SVOP: variants seen among roughly 807,000 people sequenced by gnomAD.
SVOP encodes SV2 related protein.
In SVOP, 17 loss-of-function variants were observed where a neutral mutation model predicts 69.1. The ratio of observed to expected loss-of-function variants is 0.25; its 90% CI spans 0.17 to 0.37. SVOP has a LOEUF of 0.37. Ranked by LOEUF, SVOP falls within the 10% of genes least tolerant of loss-of-function variation. The probability of loss-of-function intolerance (pLI) is 1.00; values close to 1 mark genes in which losing one functional copy is unlikely to be tolerated. For missense variants in SVOP, 435 were observed against 597.5 expected (o/e 0.73, Z 2.84); for synonymous variants, 238 against 238.6 (o/e 1.00, Z 0.02).
rs1045580326 is a variant in SVOP at position 108,912,835 on chromosome 12, G to A, written c.1441-94C>T. 5.6e-5 allele frequency: 70 copies of A among 1,250,998 alleles called. No individual in the cohort carries two copies. The Admixed American group carries it at 1.1e-3, about 20-fold the overall frequency. The allele number at this position is 1,250,998 out of a possible 1,614,324, so 77.5% of individuals were successfully genotyped here. A position where few individuals can be genotyped will look rare whatever the true frequency, so the allele number is the denominator to read the frequency against. On this transcript the variant is annotated intron_variant, in intron 15 of 15. Coordinates refer to ENST00000610966, the MANE Select transcript of SVOP (RefSeq NM_018711.5). ...AGTATTAGTAACATCAGGCCCTCTC[G>A]TGATATCTGCTTGCTAAAAAGGATC...
chr12:108,970,446 A>G (rs1342538479), intron 5 of SVOP, among the ~76,000 whole-genome samples: 1 of 152,224 alleles, frequency 6.6e-6, no homozygotes, highest in African/African-American at 2.4e-5. Context: ...CATGCCTGCT[A>G]TACAACGCGC....
At chr12:108,973,653 C>A (rs1241649418) in intron 4 of SVOP, among the ~76,000 whole-genome samples, 2 of 152,170 alleles carry the variant, frequency 1.3e-5, no homozygotes, top group African/African-American at 4.8e-5. Context: ...TCCACATCAG[C>A]CTCCCACAGT....
chr12:108,915,653 G>A (rs772236175), intron 15 of SVOP, 130 bp downstream of exon 15: 5 of 886,486 alleles, frequency 5.6e-6, no homozygotes, highest in African/African-American at 5.2e-5. Context: ...TTCTGTCCTC[G>A]GGTGTGTTGT....
At chr12:108,934,413 G>A in intron 10 of SVOP, 142 bp from the exon 11 acceptor site, 1 of 632,586 alleles carries the variant, frequency 1.6e-6, no homozygotes, top group East Asian at 2.8e-5. Context: ...CTTTACTGGG[G>A]ACCTTGAGCA....
At position 108,936,199 on chromosome 12, in the gene SVOP, C is replaced by T. The variant is rs1046094195; in HGVS notation, c.971+1065G>A. On this transcript the variant is annotated intron_variant, in intron 10 of 15. Transcript: ENST00000610966. ...TAGCTGGGACTACAGGTGCCCACCACCATGCCTGGCTAATTTTTGTATTTT... is the reference window on the plus strand; with the variant it reads ...TAGCTGGGACTACAGGTGCCCACCATCATGCCTGGCTAATTTTTGTATTTT... 4.6e-5 allele frequency among the ~76,000 whole-genome samples: 7 copies of T among 152,202 alleles called. No homozygotes were observed. In the East Asian group the frequency reaches 1.4e-3, roughly 29 times the overall value.
intron 5 of SVOP, among the ~76,000 whole-genome samples, chr12:108,972,097 A>G (rs1294692816): frequency 6.6e-6 from 1 of 150,994 alleles, no homozygotes; most frequent in Admixed American, 6.7e-5. Context: ...TTAGGGCAAG[A>G]GAATCAATGG....
chr12:108,985,403 C>T (rs903616079), intron 1 of SVOP, among the ~76,000 whole-genome samples: 1 of 151,976 alleles, frequency 6.6e-6, no homozygotes, highest in East Asian at 1.9e-4. Context: ...TGGGCATGGT[C>T]ACTCACGCCT....
intron 6 of SVOP, among the ~76,000 whole-genome samples, chr12:108,947,227 C>T (rs1420596016): frequency 6.6e-6 from 1 of 152,080 alleles, no homozygotes; most frequent in East Asian, 1.9e-4. Context: ...CCCTGGTTCC[C>T]TTTGGCAGAA....
At chr12:108,962,392 C>A (rs2040022840) in intron 5 of SVOP, among the ~76,000 whole-genome samples, 1 of 152,162 alleles carries the variant, frequency 6.6e-6, no homozygotes, top group African/African-American at 2.4e-5. Context: ...AGCCAACACG[C>A]CTGGCTGATT....
At chr12:108,937,138 C>T in intron 10 of SVOP, 126 bp downstream of exon 10, 3 of 850,914 alleles carry the variant, frequency 3.5e-6, no homozygotes, top group South Asian at 1.4e-5. Flanking sequence ...GGATGATGTT[C>T]GAACTACTGA....
chr12:108,950,372 C>T (rs982846849), intron 6 of SVOP, among the ~76,000 whole-genome samples: 46 of 150,020 alleles, frequency 3.1e-4, no homozygotes, highest in African/African-American at 1.1e-3. Flanking sequence ...AGCCACCATG[C>T]CTGGCCAAGA....
intron 11 of SVOP, among the ~76,000 whole-genome samples, chr12:108,929,082 G>A (rs1023804096): frequency 6.6e-6 from 1 of 152,054 alleles, no homozygotes; most frequent in Non-Finnish European, 1.5e-5. Context: ...ATCAAATCTG[G>A]CACAAAGATA....
chr12:109,003,859 C>A (rs2040289362), intron 1 of SVOP, among the ~76,000 whole-genome samples: 1 of 152,166 alleles, frequency 6.6e-6, no homozygotes, highest in Non-Finnish European at 1.5e-5. Context: ...CCTCCTGCCT[C>A]AGCCTCCTGA....
intron 6 of SVOP, among the ~76,000 whole-genome samples, chr12:108,952,064 AGT>A (rs1388141097): frequency 6.6e-6 from 1 of 152,112 alleles, no homozygotes; most frequent in Non-Finnish European, 1.5e-5. Flanking sequence ...CCCATGATTC[AGT>A]GGACTGAAGA....
chr12:109,012,372 T>C (rs1031220337), intron 1 of SVOP, among the ~76,000 whole-genome samples: 8 of 152,058 alleles, frequency 5.3e-5, no homozygotes, highest in South Asian at 2.1e-4. Context: ...ATTTAGAGTA[T>C]TGTATACTTG....
At chr12:109,000,127 A>C (rs1203285675) in intron 1 of SVOP, among the ~76,000 whole-genome samples, 3 of 152,228 alleles carry the variant, frequency 2.0e-5, no homozygotes, top group African/African-American at 7.2e-5. Flanking sequence ...GATAAAGGGG[A>C]TATCAGCACC....
rs561333762 is a variant in SVOP at position 109,016,844 on chromosome 12, G to T, written c.35+3990C>A. 2.6e-4 allele frequency among the ~76,000 whole-genome samples: 39 copies of T among 151,484 alleles called. 1 individual carries two copies. The South Asian group carries it at 8.1e-3, about 32-fold the overall frequency. On this transcript the variant is annotated intron_variant, in intron 1 of 15. Coordinates refer to ENST00000610966, the MANE Select transcript of SVOP (RefSeq NM_018711.5). ...TGCAGCCTTGAACCCCCAGGCTCAA[G>T]CAATCCTCCTGCCTCAGCCTCCCTA...
At chr12:109,007,760 C>G (rs1418754015) in intron 1 of SVOP, among the ~76,000 whole-genome samples, 1 of 152,056 alleles carries the variant, frequency 6.6e-6, no homozygotes, top group African/African-American at 2.4e-5. Context: ...CTAGTTTCAG[C>G]CAGCACAGTG....
chr12:108,979,064 T>C (rs1448991275), intron 2 of SVOP, among the ~76,000 whole-genome samples: 2 of 140,840 alleles, frequency 1.4e-5, no homozygotes, highest in Non-Finnish European at 3.1e-5. Context: ...CATGGTTCTA[T>C]TCTTGGAAAT....
Sources: allele counts gnomAD v4.1 joint callset (sites outside exome capture counted in the v4.1 genomes callset), GRCh38; gene constraint gnomAD v4.1.1; transcripts MANE v1.5; gene names NCBI Gene and HGNC (gene_info 2026-07-23, HGNC 2026-07-21).